Variants in GPC5 observed in about 807,000 individuals in gnomAD.
GPC5 encodes the protein glypican-5.
A neutral mutation model predicts 53.9 loss-of-function variants in GPC5; 47 were observed. The ratio of observed to expected loss-of-function variants is 0.87; its 90% CI spans 0.69 to 1.11. GPC5 has a LOEUF of 1.11. GPC5 is among the 50% of genes most tolerant of loss of function. GPC5 has a pLI of 0.00. For synonymous variants in GPC5, 286 were observed against 263.3 expected (o/e 1.09, Z -0.84); for missense variants, 748 against 713.1 (o/e 1.05, Z -0.56).
chr13:92,264,906 G>C (rs1042734655), intron 7 of GPC5, among the ~76,000 whole-genome samples: 1 of 149,966 alleles, frequency 6.7e-6, no homozygotes, highest in African/African-American at 2.5e-5. Context: ...GTGTGTGTGT[G>C]TGTGTGTGTG....
At chr13:91,480,483 C>T (rs1883241413) in intron 2 of GPC5, among the ~76,000 whole-genome samples, 1 of 152,226 alleles carries the variant, frequency 6.6e-6, no homozygotes, top group African/African-American at 2.4e-5. Flanking sequence ...CTATAATCCA[C>T]TGCCAAATCC....
At chr13:91,478,820 T>TACACAC (rs750424772) in intron 2 of GPC5, among the ~76,000 whole-genome samples, 10 of 112,812 alleles carry the variant, frequency 8.9e-5, no homozygotes, top group Non-Finnish European at 1.4e-4. Flanking sequence ...TATATATATA[T>TACACAC]ATACACACAC....
intron 7 of GPC5, among the ~76,000 whole-genome samples, chr13:92,377,348 A>C (rs1013915548): frequency 1.3e-5 from 2 of 152,206 alleles, no homozygotes; most frequent in African/African-American, 4.8e-5. Context: ...AGGATTGCTA[A>C]GGATTGTTGG....
intron 5 of GPC5, among the ~76,000 whole-genome samples, chr13:91,868,805 T>A (rs1443964156): frequency 6.6e-6 from 1 of 152,140 alleles, no homozygotes. Context: ...TGATTGTTTA[T>A]TTTATGTGGG....
chr13:92,193,781 T>C (rs551446935), intron 7 of GPC5, among the ~76,000 whole-genome samples: 113 of 152,344 alleles, frequency 7.4e-4, no homozygotes, highest in African/African-American at 2.6e-3. Flanking sequence ...AAATTACATG[T>C]ACACTACATT....
chr13:91,952,205 G>A (rs1229849480), intron 6 of GPC5, among the ~76,000 whole-genome samples: 2 of 123,028 alleles, frequency 1.6e-5, no homozygotes, highest in Non-Finnish European at 3.9e-5. Flanking sequence ...GTGTGTGTGT[G>A]TGTATGTATT....
At chr13:91,569,861 A>T (rs1338912361) in intron 2 of GPC5, among the ~76,000 whole-genome samples, 1 of 152,172 alleles carries the variant, frequency 6.6e-6, no homozygotes, top group African/African-American at 2.4e-5. Context: ...GGAGACACTG[A>T]ACCAGCTGGC....
intron 6 of GPC5, among the ~76,000 whole-genome samples, chr13:92,097,778 A>G (rs2041433487): frequency 6.6e-6 from 1 of 152,216 alleles, no homozygotes; most frequent in African/African-American, 2.4e-5. Context: ...AAACAGGCTG[A>G]TTAAACTTCT....
intron 2 of GPC5, among the ~76,000 whole-genome samples, chr13:91,532,910 G>A (rs1428367331): frequency 1.3e-5 from 2 of 152,022 alleles, no homozygotes; most frequent in East Asian, 3.9e-4. Context: ...AAAAGATCTT[G>A]ACCTAATGGA....
intron 7 of GPC5, among the ~76,000 whole-genome samples, chr13:92,418,480 G>T (rs563291955): frequency 9.9e-5 from 15 of 152,268 alleles, no homozygotes; most frequent in African/African-American, 3.6e-4. Flanking sequence ...AGAACGGAGG[G>T]CTTGTTAATG....
At chr13:91,855,426 A>G (rs993960018) in intron 5 of GPC5, among the ~76,000 whole-genome samples, 1 of 151,734 alleles carries the variant, frequency 6.6e-6, no homozygotes, top group Non-Finnish European at 1.5e-5. Flanking sequence ...AAAATTAGTC[A>G]TCTTTTCCTG....
chr13:91,844,731 GT>G (rs200690488), intron 5 of GPC5, among the ~76,000 whole-genome samples: 1 of 150,514 alleles, frequency 6.6e-6, no homozygotes, highest in Non-Finnish European at 1.5e-5. Context: ...TTTTGTTTTT[GT>G]TTTTTTTTAG....
In GPC5 at chr13:92,125,916, GTTTTTTGGTTTTTTTTTTTTTT is replaced by G. The variant is rs1566446316; in HGVS notation, c.1402-18907_1402-18886del. 3.5e-3 allele frequency among the ~76,000 whole-genome samples: 108 copies of G among 31,290 alleles called. 5 individuals are homozygous for G. The East Asian group carries it at 0.12, about 34-fold the overall frequency. 20.5% of individuals were successfully genotyped at this position (31,290 alleles called of 152,430 possible). A position where few individuals can be genotyped will look rare whatever the true frequency, so the allele number is the denominator to read the frequency against. ...GATTAGCATTAGAAAGGAAACATTT[GTTTTTTGGTTTTTTTTTTTTTT>G]TTTTTTTTTTTTTTTTTTTTTTTTT... On this transcript the variant is annotated intron_variant, in intron 6 of 7. Transcript: ENST00000377067.
intron 4 of GPC5, among the ~76,000 whole-genome samples, chr13:91,736,357 A>G (rs342712): frequency 6.6e-6 from 1 of 150,970 alleles, no homozygotes; most frequent in Non-Finnish European, 1.5e-5. Context: ...TTTAAAATCA[A>G]GTTCTTCTAA....
chr13:92,378,673 A>G (rs1446859139), intron 7 of GPC5, among the ~76,000 whole-genome samples: 3 of 152,326 alleles, frequency 2.0e-5, no homozygotes, highest in East Asian at 3.9e-4. Flanking sequence ...TAGAGTTTTA[A>G]TGATATATGA....
chr13:91,547,875 A>C (rs971300193), intron 2 of GPC5, among the ~76,000 whole-genome samples: 2 of 152,198 alleles, frequency 1.3e-5, no homozygotes, highest in Non-Finnish European at 2.9e-5. Context: ...TCATATTGTC[A>C]TCTCAATAGA....
chr13:92,628,410 T>C lies in GPC5; in HGVS notation c.1562-237872T>C, dbSNP rs565267637. 1.8e-4 allele frequency among the ~76,000 whole-genome samples: 28 copies of C among 151,690 alleles called. 1 individual carries two copies. The South Asian group carries it at 3.5e-3, about 19-fold the overall frequency. On this transcript the variant is annotated intron_variant, in intron 7 of 7. Coordinates refer to ENST00000377067, the MANE Select transcript of GPC5 (RefSeq NM_004466.6). ...CCTGCCTCAGCCTGAATTAATCCTATTTCAAATTTCATACTTTCTTTTCCC... is the reference window on the plus strand; with the variant it reads ...CCTGCCTCAGCCTGAATTAATCCTACTTCAAATTTCATACTTTCTTTTCCC...
intron 7 of GPC5, among the ~76,000 whole-genome samples, chr13:92,473,356 G>C (rs1211378056): frequency 1.3e-5 from 2 of 152,072 alleles, no homozygotes; most frequent in Non-Finnish European, 2.9e-5. Context: ...TTCAGCTCCA[G>C]TGTAGTGATT....
intron 7 of GPC5, among the ~76,000 whole-genome samples, chr13:92,373,072 TTAAGTA>T (rs2043664452): frequency 1.3e-5 from 2 of 152,166 alleles, no homozygotes; most frequent in South Asian, 4.1e-4. Flanking sequence ...GGGCAGCTGT[TTAAGTA>T]TATATATTAT....
Sources: allele counts gnomAD v4.1 joint callset (sites outside exome capture counted in the v4.1 genomes callset), GRCh38; gene constraint gnomAD v4.1.1; transcripts MANE v1.5; gene names NCBI Gene and HGNC (gene_info 2026-07-23, HGNC 2026-07-21).